NCBP1: variants seen among roughly 807,000 people sequenced by gnomAD.
NCBP1 encodes nuclear cap-binding protein subunit 1.
In NCBP1, 16 loss-of-function variants were observed where a neutral mutation model predicts 111.7. The observed-to-expected ratio is 0.14, with a 90% CI of 0.10 to 0.22. The LOEUF is 0.22. Among genes scored for constraint, NCBP1 ranks in the 10% least tolerant of loss-of-function variants. The probability of loss-of-function intolerance (pLI) is 1.00; values close to 1 mark genes in which losing one functional copy is unlikely to be tolerated. For missense variants in NCBP1, 607 were observed against 957.5 expected (o/e 0.63, Z 4.83); for synonymous variants, 304 against 314.3 (o/e 0.97, Z 0.35).
At position 97,645,120 on chromosome 9, in the gene NCBP1, C is replaced by T. The variant is rs749413155; in HGVS notation, c.385C>T (p.Arg129Cys). Residue 129 changes from arginine (R) to cysteine (C), a missense_variant, in exon 5 of 23, where the codon CGT (arginine) becomes TGT (cysteine). Transcript: ENST00000375147. Reference sequence around the variant, plus strand: ...CAGAAATTGTTTGCCCCAACAGGTCCGTTTTTTATCTGATCTTGTGAATTG... The same window carrying T: ...CAGAAATTGTTTGCCCCAACAGGTCTGTTTTTTATCTGATCTTGTGAATTG... ...NNYNEAVYLV[R>C]FLSDLVNCHV... 11 of 1,611,694 alleles carry T rather than the reference C, an allele frequency of 6.8e-6. No individual in the cohort carries two copies. Among genetic ancestry groups the T allele is most frequent in the East Asian group, 6.7e-5 (3 of 44,792 alleles).
chr9:97,653,585 A>G (rs1297654150), intron 10 of NCBP1, among the ~76,000 whole-genome samples: 1 of 152,040 alleles, frequency 6.6e-6, no homozygotes, highest in Non-Finnish European at 1.5e-5. Context: ...GTGTGTTTTT[A>G]TTTGATCGAA....
chr9:97,651,733 TAGAC>T (rs145572730), intron 10 of NCBP1, among the ~76,000 whole-genome samples: 2,128 of 152,312 alleles, frequency 0.014, 101 homozygotes, highest in East Asian at 0.13. Context: ...AATATCATTT[TAGAC>T]AGATAACATA....
In NCBP1 at chr9:97,655,693, T is replaced by C. The variant is rs768202228; in HGVS notation, c.1236-9T>C. 1 of 1,604,908 alleles carries C rather than the reference T, an allele frequency of 6.2e-7. No individual in the cohort carries two copies. Among genetic ancestry groups the C allele is most frequent in the South Asian group, 1.1e-5 (1 of 88,810 alleles). On this transcript the variant is annotated splice_polypyrimidine_tract_variant and intron_variant, in intron 12 of 22. Transcript: ENST00000375147. ...TTTTTCTCTGCCTACCTCCCCCTTC[T>C]CTACGTAGGTTTATTAATTGGTTTT...
At chr9:97,639,126 A>G (rs1315916088) in intron 1 of NCBP1, among the ~76,000 whole-genome samples, 2 of 152,166 alleles carry the variant, frequency 1.3e-5, no homozygotes, top group African/African-American at 4.8e-5. Flanking sequence ...AGATATCTCC[A>G]GGAATAAATA....
At chr9:97,664,137 C>G (rs1166669633) in intron 18 of NCBP1, among the ~76,000 whole-genome samples, 2 of 152,016 alleles carry the variant, frequency 1.3e-5, no homozygotes, top group African/African-American at 4.8e-5. Flanking sequence ...TGAGATCGTG[C>G]CACTCCACTC....
intron 20 of NCBP1, 65 bp from the exon 21 acceptor site, chr9:97,668,781 C>CT (rs1828088639): frequency 6.5e-7 from 1 of 1,539,382 alleles, no homozygotes; most frequent in East Asian, 2.3e-5. Context: ...AATGCTTCCC[C>CT]TGGAGGAGAT....
chr9:97,634,790 TAA>T (rs1826954431), intron 1 of NCBP1, among the ~76,000 whole-genome samples: 1 of 152,222 alleles, frequency 6.6e-6, no homozygotes, highest in South Asian at 2.1e-4. Context: ...TAGTAGTGGT[TAA>T]GAGATGAGAC....
chr9:97,668,735 A>T (rs1329549671), intron 20 of NCBP1, 111 bp from the exon 21 acceptor site: 30 of 1,221,282 alleles, frequency 2.5e-5, no homozygotes, highest in Non-Finnish European at 3.1e-5. Flanking sequence ...CTTTCACTAT[A>T]GAATATAAGT....
At chr9:97,647,350 A>G (rs1347020388) in intron 6 of NCBP1, 142 bp from the exon 7 acceptor site, 2 of 610,130 alleles carry the variant, frequency 3.3e-6, no homozygotes, top group East Asian at 2.9e-5. Context: ...TACACAGTAC[A>G]TTATCAAAAC....
chr9:97,633,866 C>A lies in NCBP1; in HGVS notation c.-16C>A. 2 of 1,582,300 alleles carry A rather than the reference C, an allele frequency of 1.3e-6. No individual in the cohort carries two copies. The highest frequency in any genetic ancestry group is 1.7e-6 in the Non-Finnish European group (2 of 1,170,910). ...ACCGCCTGGCCTCTCGGTTCCGCGGCGCACCGGAGGGCAGCATGTCGCGGC... is the reference window on the plus strand; with the variant it reads ...ACCGCCTGGCCTCTCGGTTCCGCGGAGCACCGGAGGGCAGCATGTCGCGGC... On this transcript the variant is annotated 5_prime_UTR_variant, in exon 1 of 23. Transcript: ENST00000375147.
chr9:97,668,875 C>G lies in NCBP1; in HGVS notation c.2046C>G (p.Asp682Glu). Residue 682 changes from aspartate (D) to glutamate (E), a missense_variant, in exon 21 of 23, where the codon GAC (aspartate) becomes GAG (glutamate). Physicochemically the swap from Asp to Glu is conservative, Grantham distance 45 (BLOSUM62 2). Transcript: ENST00000375147. Reference protein sequence around the residue: ...RRSDDDDRSSDRKDGVLEEQI... With the variant: ...RRSDDDDRSSERKDGVLEEQI... Reference sequence around the variant, plus strand: ...GTGATGATGACGACAGAAGCAGTGACAGGAAAGACGGGGTTCTTGAGGAAC... The same window carrying G: ...GTGATGATGACGACAGAAGCAGTGAGAGGAAAGACGGGGTTCTTGAGGAAC... 1.9e-6 allele frequency: 3 copies of G among 1,613,484 alleles called. No individual in the cohort carries two copies. The highest frequency in any genetic ancestry group is 2.5e-6 in the Non-Finnish European group (3 of 1,179,676).
intron 11 of NCBP1, among the ~76,000 whole-genome samples, chr9:97,654,151 C>G (rs1391594022): frequency 2.0e-5 from 3 of 152,000 alleles, no homozygotes; most frequent in Non-Finnish European, 4.4e-5. Context: ...AAATTTGTTG[C>G]CTAGATTGAC....
Position 97,633,842 on chromosome 9 carries a change from C to G in NCBP1, c.-40C>G, listed in dbSNP as rs1395991497. On this transcript the variant is annotated 5_prime_UTR_variant, in exon 1 of 23. Transcript: ENST00000375147. ...GGCCAGACAGTTCCTGCAGCGCTTA[C>G]CGCCTGGCCTCTCGGTTCCGCGGCG... 6.4e-7 allele frequency: 1 copy of G among 1,564,396 alleles called. No homozygotes were observed. The highest frequency in any genetic ancestry group is 8.6e-7 in the Non-Finnish European group (1 of 1,161,786).
intron 1 of NCBP1, among the ~76,000 whole-genome samples, 196 bp from the exon 2 acceptor site, chr9:97,640,598 T>C (rs997395463): frequency 1.3e-5 from 2 of 152,078 alleles, no homozygotes; most frequent in East Asian, 1.9e-4. Context: ...CCTGGAGTTA[T>C]TGTATATAGT....
chr9:97,668,990 A>C lies in NCBP1; in HGVS notation c.2145+16A>C. The C allele has an allele frequency of 6.3e-7, 1 of 1,588,572 alleles. No homozygotes were observed. Among genetic ancestry groups the C allele is most frequent in the East Asian group, 2.2e-5 (1 of 44,506 alleles). On this transcript the variant is annotated intron_variant, in intron 21 of 22. Coordinates refer to ENST00000375147, the MANE Select transcript of NCBP1 (RefSeq NM_002486.5). ...TATATTTCAGGTATCTTGGCTTGGG[A>C]CATTTATACATAAAAGGAAACAATA...
At chr9:97,640,051 C>T (rs1827163231) in intron 1 of NCBP1, among the ~76,000 whole-genome samples, 2 of 152,056 alleles carry the variant, frequency 1.3e-5, no homozygotes, top group Admixed American at 1.3e-4. Flanking sequence ...TTTTTTCCAC[C>T]AATTTTTTGA....
At chr9:97,655,840 T>C (rs1402393551) in intron 13 of NCBP1, 76 bp downstream of exon 13, 2 of 1,432,354 alleles carry the variant, frequency 1.4e-6, no homozygotes, top group East Asian at 4.6e-5. Flanking sequence ...TAAAAGTGTC[T>C]GAAATATTTA....
intron 1 of NCBP1, among the ~76,000 whole-genome samples, chr9:97,640,027 G>A (rs1303757675): frequency 6.6e-6 from 1 of 152,176 alleles, no homozygotes; most frequent in Non-Finnish European, 1.5e-5. Flanking sequence ...AGCAGGAATT[G>A]TAAAACGTGG....
At chr9:97,657,060 C>T (rs756008696) in intron 14 of NCBP1, among the ~76,000 whole-genome samples, 3 of 152,158 alleles carry the variant, frequency 2.0e-5, no homozygotes, top group Non-Finnish European at 2.9e-5. Context: ...GCGCCACCTC[C>T]GGGTTCACGC....
Sources: gnomAD v4.1 joint callset for allele counts (sites outside exome capture counted in the v4.1 genomes callset) on GRCh38, gnomAD v4.1.1 for gene constraint, MANE v1.5 for transcripts, NCBI Gene and HGNC (gene_info 2026-07-23, HGNC 2026-07-21) for gene names.